SPTBN5: variants seen among roughly 807,000 people sequenced by gnomAD.
SPTBN5 encodes the protein spectrin beta chain, non-erythrocytic 5.
A neutral mutation model predicts 477.6 loss-of-function variants in SPTBN5; 513 were observed. That is an observed-to-expected ratio of 1.07 (90% CI 1.00 to 1.16). The LOEUF is 1.16. SPTBN5 is among the 50% of genes most tolerant of loss of function. The pLI is 0.00. For missense variants in SPTBN5, 5,062 were observed against 4,731.8 expected, an observed-to-expected ratio of 1.07 and a Z score of -2.05; for synonymous variants, 2,169 against 2,011.7, an observed-to-expected ratio of 1.08 and a Z score of -2.09.
In SPTBN5 at chr15:41,873,557, G is replaced by A. The variant is rs562405225; in HGVS notation, c.4942C>T (p.Leu1648=). Residue 1648 remains leucine (L), a synonymous_variant, in exon 26 of 68, where the codon CTG becomes TTG. Transcript: ENST00000320955. ...CTGCCATAGTCCCGACTGCTCACCAGCGGCCGCTTCTCCTCCACCCAGCCC... is the reference window on the plus strand; with the variant it reads ...CTGCCATAGTCCCGACTGCTCACCAACGGCCGCTTCTCCTCCACCCAGCCC... The part of the protein sequence containing the change: ...LEGWVEEKRP[L]VSSRDYGRDE... 1 of 1,552,206 alleles carries A rather than the reference G, an allele frequency of 6.4e-7. No homozygotes were observed. Among genetic ancestry groups the A allele is most frequent in the East Asian group, 2.4e-5 (1 of 40,948 alleles).
Position 41,863,634 on chromosome 15 carries a change from T to C in SPTBN5, c.7149+70A>G, listed in dbSNP as rs568232719. 57 of 1,263,530 alleles carry C rather than the reference T, an allele frequency of 4.5e-5. No homozygotes were observed. In the African/African-American group the frequency reaches 6.4e-4, roughly 14 times the overall value. The allele number at this position is 1,263,530 out of a possible 1,614,324, so 78.3% of individuals were successfully genotyped here. On this transcript the variant is annotated intron_variant, in intron 41 of 67. Transcript: ENST00000320955. ...GTGAGGGGGGAGACGCATGGGAGAC[T>C]CTAGGCAGTGCCCCCTCCCCTGACT...
Position 41,878,409 on chromosome 15 carries a change from C to T in SPTBN5, c.3403G>A (p.Ala1135Thr), listed in dbSNP as rs774058773. 2 of 1,613,826 alleles carry T rather than the reference C, an allele frequency of 1.2e-6. No homozygotes were observed. The highest frequency in any genetic ancestry group is 1.7e-6 in the Non-Finnish European group (2 of 1,179,888). Residue 1135 changes from alanine to threonine, a missense_variant, in exon 17 of 68, where the codon GCC becomes ACC. Physicochemically the swap from Ala to Thr is moderately conservative, Grantham distance 58. Transcript: ENST00000320955. ...TCCCTCAGCAGCCGCTGAGCCGAGGCCACATCCACTGACACCTCCTTGCTG... is the reference window on the plus strand; with the variant it reads ...TCCCTCAGCAGCCGCTGAGCCGAGGTCACATCCACTGACACCTCCTTGCTG... The part of the protein sequence containing the change: ...LRSKEVSVDV[A>T]SAQRLLREHQ...
chr15:41,893,251 TGGGCTGTG>T (rs1567237702), intron 2 of SPTBN5, 23 bp downstream of exon 2: 1 of 1,613,082 alleles, frequency 6.2e-7, no homozygotes, highest in South Asian at 1.1e-5. Context: ...CTGGTATGGG[TGGGCTGTG>T]GGTCACAGCT....
At position 41,870,568 on chromosome 15, in the gene SPTBN5, C is replaced by T. The variant is rs770113751; in HGVS notation, c.5448-8G>A. Reference sequence around the variant, plus strand: ...AGCTCCGACCAGGCGGTCCTGCCCACGGCGTGTGGAAGACCAGCCGGGGAT... The same window carrying T: ...AGCTCCGACCAGGCGGTCCTGCCCATGGCGTGTGGAAGACCAGCCGGGGAT... On this transcript the variant is annotated splice_polypyrimidine_tract_variant and splice_region_variant and intron_variant, in intron 29 of 67. Coordinates refer to ENST00000320955, the MANE Select transcript of SPTBN5 (RefSeq NM_016642.4). The T allele has an allele frequency of 5.0e-6, 8 of 1,603,148 alleles. No individual in the cohort carries two copies. Among genetic ancestry groups the T allele is most frequent in the East Asian group, 2.2e-5 (1 of 44,814 alleles).
chr15:41,867,762 G>T, intron 34 of SPTBN5, 120 bp from the exon 35 acceptor site: 1 of 976,200 alleles, frequency 1.0e-6, no homozygotes, highest in Non-Finnish European at 1.6e-6. Flanking sequence ...CACTGAGCTT[G>T]GCATGGAGCT....
rs1416455945 is a variant in SPTBN5, at chr15:41,873,417, G to T, written c.5007+75C>A. On this transcript the variant is annotated intron_variant, in intron 26 of 67. Transcript: ENST00000320955. ...AGCAGGGCTCCGTGCCTCTGAGAGA[G>T]GGAGGGTGACAGCCCTCTCCCCGTG... 4.4e-6 allele frequency: 5 copies of T among 1,125,032 alleles called. No individual in the cohort carries two copies. In the African/African-American group the frequency reaches 6.1e-5, roughly 14 times the overall value. The allele number at this position is 1,125,032 out of a possible 1,614,324, so 69.7% of individuals were successfully genotyped here.
Position 41,870,037 on chromosome 15 carries a change from G to A in SPTBN5, c.5674-17C>T. ...TTCCTGCAGCTGCGGGAGGGGCAGG[G>A]AATAGGGAGGCAAGGGTCATGTCCT... On this transcript the variant is annotated splice_polypyrimidine_tract_variant and intron_variant, in intron 31 of 67. Transcript: ENST00000320955. The A allele has an allele frequency of 6.8e-7, 1 of 1,469,608 alleles. No homozygotes were observed. Among genetic ancestry groups the A allele is most frequent in the Non-Finnish European group, 9.0e-7 (1 of 1,107,480 alleles). The allele number at this position is 1,469,608 out of a possible 1,614,324, so 91.0% of individuals were successfully genotyped here.
At chr15:41,888,466 G>A (rs1004080989) in intron 4 of SPTBN5, among the ~76,000 whole-genome samples, 5 of 152,172 alleles carry the variant, frequency 3.3e-5, no homozygotes, top group African/African-American at 9.7e-5. Context: ...ACTGGGTCCC[G>A]TCACTGCAGG....
rs1050784141 is a variant in SPTBN5, at chr15:41,876,578, C to T, written c.3921G>A (p.Arg1307=). Residue 1307 remains arginine, a synonymous_variant, in exon 20 of 68, where the codon AGG becomes AGA. Coordinates refer to ENST00000320955, the MANE Select transcript of SPTBN5 (RefSeq NM_016642.4). ...GCTGGAGGGAAGCCAGCAACTGCCTCCTCCTCTGCTCACTCCTCCCCTGGA... is the reference window on the plus strand; with the variant it reads ...GCTGGAGGGAAGCCAGCAACTGCCTTCTCCTCTGCTCACTCCTCCCCTGGA... ...TRLQGRSEQR[R]RQLLASLQLQ... 6.2e-7 allele frequency: 1 copy of T among 1,606,584 alleles called. No individual in the cohort carries two copies. The highest frequency in any genetic ancestry group is 1.3e-5 in the African/African-American group (1 of 74,742).
At chr15:41,870,214 G>A in intron 31 of SPTBN5, 29 bp downstream of exon 31, 2 of 1,539,948 alleles carry the variant, frequency 1.3e-6, no homozygotes, top group Admixed American at 2.0e-5. Flanking sequence ...GCAGGGGCCT[G>A]GGTCGGAGAG....
Position 41,852,648 on chromosome 15 carries a change from T to C in SPTBN5, c.10435A>G (p.Met3479Val), listed in dbSNP as rs781142482. Residue 3479 changes from methionine (M) to valine (V), a missense_variant, in exon 61 of 68, where the codon ATG becomes GTG. By Grantham distance (21) the Met-to-Val change is conservative. Transcript: ENST00000320955. ...GCAGTCGTCACCTCTGTCTTTTGCA[T>C]TTGGGCAAACTTCTCTTCCTGGGCT... The part of the protein sequence containing the change: ...LAAQEEKFAQ[M>V]QKTEMEQELL... The C allele has an allele frequency of 6.8e-6, 11 of 1,613,564 alleles. No individual in the cohort carries two copies. Among genetic ancestry groups the C allele is most frequent in the South Asian group, 1.1e-5 (1 of 91,086 alleles).
Position 41,868,404 on chromosome 15 carries a change from G to C in SPTBN5, c.6051C>G (p.Thr2017=). ...QQALLAAGTP[T]KEVQEELRAL... ...ACCAGGGGAGGGGGCCCACCTCCTT[G>C]GTGGGTGTCCCTGCAGCAAGAAGTG... Residue 2017 remains threonine (T), a synonymous_variant, in exon 33 of 68, where the codon ACC becomes ACG. Transcript: ENST00000320955. The C allele has an allele frequency of 6.2e-7, 1 of 1,601,666 alleles. No homozygotes were observed. The highest frequency in any genetic ancestry group is 8.5e-7 in the Non-Finnish European group (1 of 1,172,940).
rs1419476040 is a variant in SPTBN5 at position 41,852,743 on chromosome 15, G to C, written c.10348-8C>G. ...CACATCTGACACTGAGTGCTGGGGA[G>C]AAGCATGTTCAGGTGACGCCCAGCT... On this transcript the variant is annotated splice_polypyrimidine_tract_variant and splice_region_variant and intron_variant, in intron 60 of 67. Coordinates refer to ENST00000320955, the MANE Select transcript of SPTBN5 (RefSeq NM_016642.4). The C allele has an allele frequency of 1.2e-6, 2 of 1,606,524 alleles. No homozygotes were observed. Among genetic ancestry groups the C allele is most frequent in the Non-Finnish European group, 1.7e-6 (2 of 1,174,506 alleles).
chr15:41,852,278 C>T lies in SPTBN5; in HGVS notation c.10488G>A (p.Lys3496=). The stretch of plus-strand genomic sequence containing the variant: ...TCAGCGAGCTGCCAGCTCTCCCGGG[C>T]TTCAGCTCCTGTGGCTGCAGCAGGA... The part of the protein sequence containing the change: ...QELLLQPQEL[K]PGRAGSSLTS... The change falls in exon 62 of 68, where the codon AAG becomes AAA. Residue 3496 remains lysine (K), a synonymous_variant. Transcript: ENST00000320955. 6.2e-7 allele frequency: 1 copy of T among 1,602,924 alleles called. No individual in the cohort carries two copies. The highest frequency in any genetic ancestry group is 8.5e-7 in the Non-Finnish European group (1 of 1,174,792).
At chr15:41,874,529 G>A (rs2066655971) in intron 23 of SPTBN5, 51 bp from the exon 24 acceptor site, 12 of 1,455,616 alleles carry the variant, frequency 8.2e-6, no homozygotes, top group African/African-American at 1.4e-5. Flanking sequence ...GTGAGCACAA[G>A]GCTCCTGGTT....
intron 27 of SPTBN5, 101 bp downstream of exon 27, chr15:41,872,200 TG>T: frequency 7.1e-7 from 1 of 1,415,908 alleles, no homozygotes; most frequent in Non-Finnish European, 9.5e-7. Context: ...CTCTACAGCC[TG>T]GGGTCATGGG....
chr15:41,855,769 C>G, intron 53 of SPTBN5, 24 bp from the exon 54 acceptor site: 2 of 1,538,134 alleles, frequency 1.3e-6, no homozygotes, highest in Non-Finnish European at 1.7e-6. Context: ...AGTGGAGATC[C>G]GTTTTCCCGG....
rs1228541029 is a variant in SPTBN5, at chr15:41,868,388, G to C, written c.6057+10C>G. On this transcript the variant is annotated intron_variant, in intron 33 of 67. Coordinates refer to ENST00000320955, the MANE Select transcript of SPTBN5 (RefSeq NM_016642.4). ...TAGGGTATGTGGGGGCACCAGGGGA[G>C]GGGGCCCACCTCCTTGGTGGGTGTC... 3 of 1,595,126 alleles carry C rather than the reference G, an allele frequency of 1.9e-6. No individual in the cohort carries two copies. The highest frequency in any genetic ancestry group is 2.7e-5 in the African/African-American group (2 of 74,554).
Position 41,848,200 on chromosome 15 carries a change from C to A in SPTBN5, c.*416G>T. The A allele has an allele frequency of 2.0e-6, 1 of 510,298 alleles. No individual in the cohort carries two copies. Among genetic ancestry groups the A allele is most frequent in the Non-Finnish European group, 3.5e-6 (1 of 282,382 alleles). 31.6% of individuals were successfully genotyped at this position (510,298 alleles called of 1,614,324 possible). A position where few individuals can be genotyped will look rare whatever the true frequency, so the allele number is the denominator to read the frequency against. On this transcript the variant is annotated 3_prime_UTR_variant, in exon 68 of 68. Coordinates refer to ENST00000320955, the MANE Select transcript of SPTBN5 (RefSeq NM_016642.4). ...CTGAGAAGGGCCATGTCATTCTAGG[C>A]TCTTGGCTGTACATGGCAAGGGCTG...
Sources: gnomAD v4.1 joint callset for allele counts (sites outside exome capture counted in the v4.1 genomes callset) on GRCh38, gnomAD v4.1.1 for gene constraint, MANE v1.5 for transcripts, NCBI Gene and HGNC (gene_info 2026-07-23, HGNC 2026-07-21) for gene names.